The following SHISA9 variants were observed in gnomAD, a reference collection of about 807,000 sequenced individuals.
SHISA9 encodes the protein protein shisa-9.
A neutral mutation model predicts 38.0 loss-of-function variants in SHISA9; 13 were observed. The observed-to-expected ratio is 0.34, with a 90% CI of 0.22 to 0.54. SHISA9 has a LOEUF of 0.54. Among genes scored for constraint, SHISA9 ranks in the 20% least tolerant of loss-of-function variants. The probability of loss-of-function intolerance (pLI) is 0.91; values close to 1 mark genes in which losing one functional copy is unlikely to be tolerated. For synonymous variants in SHISA9, 275 were observed against 242.0 expected, an observed-to-expected ratio of 1.14 and a Z score of -1.27; for missense variants, 538 against 575.8, an observed-to-expected ratio of 0.93 and a Z score of 0.67.
At chr16:13,554,076 A>T in the SHISA9 span, among the ~76,000 whole-genome samples, 1 of 151,112 alleles carries the variant, frequency 6.6e-6, no homozygotes, top group Non-Finnish European at 1.5e-5. Context: ...TAAAAAGTAT[A>T]AAAAAAAATA....
the SHISA9 span, among the ~76,000 whole-genome samples, chr16:13,528,371 G>C: frequency 6.6e-6 from 1 of 151,628 alleles, no homozygotes; most frequent in Non-Finnish European, 1.5e-5. Context: ...AAAGTTCTCA[G>C]TGAAGGAAAG....
chr16:13,180,573 C>T (rs2070900628), intron 2 of SHISA9, among the ~76,000 whole-genome samples: 1 of 152,120 alleles, frequency 6.6e-6, no homozygotes, highest in Non-Finnish European at 1.5e-5. Flanking sequence ...TGGCATGCAC[C>T]TGTCTTCTCA....
At chr16:12,905,594 C>CTT (rs2071081573) in intron 1 of SHISA9, among the ~76,000 whole-genome samples, 3 of 127,494 alleles carry the variant, frequency 2.4e-5, no homozygotes, top group Non-Finnish European at 5.1e-5. Context: ...ATTTTATTTG[C>CTT]ATTTTTTTTT....
the SHISA9 span, among the ~76,000 whole-genome samples, chr16:13,541,518 C>T: frequency 3.9e-5 from 6 of 152,156 alleles, no homozygotes; most frequent in East Asian, 1.9e-4. Context: ...TGTGGTCAGC[C>T]GGAATTTATT....
the SHISA9 span, among the ~76,000 whole-genome samples, chr16:13,440,243 C>T: frequency 6.6e-6 from 1 of 152,190 alleles, no homozygotes; most frequent in Non-Finnish European, 1.5e-5. Flanking sequence ...AAGCCTCTCC[C>T]ATTTGTATAC....
chr16:13,368,076 T>A, the SHISA9 span, among the ~76,000 whole-genome samples: 1 of 152,060 alleles, frequency 6.6e-6, no homozygotes, highest in Non-Finnish European at 1.5e-5. Context: ...CCTCACAGAT[T>A]GGCAATTTCC....
rs569716065 is a variant in SHISA9 at position 13,113,406 on chromosome 16, C to T, written c.692-89988C>T. Among the ~76,000 whole-genome samples, 17 of 152,168 alleles carry T rather than the reference C, an allele frequency of 1.1e-4. No homozygotes were observed. In the East Asian group the frequency reaches 2.1e-3, roughly 19 times the overall value. Reference sequence around the variant, plus strand: ...GTCAGGGTTAGTGTTAGAGAGATCACGTATTCCAGGGAGTGTCCATCCTAC... The same window carrying T: ...GTCAGGGTTAGTGTTAGAGAGATCATGTATTCCAGGGAGTGTCCATCCTAC... On this transcript the variant is annotated intron_variant, in intron 2 of 4. Transcript: ENST00000558583.
chr16:12,944,860 TGA>T (rs1179544863), intron 2 of SHISA9, among the ~76,000 whole-genome samples: 7 of 152,112 alleles, frequency 4.6e-5, no homozygotes, highest in Non-Finnish European at 1.0e-4. Flanking sequence ...ATAATTTATT[TGA>T]GAGTTGATCC....
At chr16:12,930,695 A>G (rs2071450888) in intron 2 of SHISA9, among the ~76,000 whole-genome samples, 1 of 152,138 alleles carries the variant, frequency 6.6e-6, no homozygotes, top group South Asian at 2.1e-4. Flanking sequence ...CTGGTGATGC[A>G]AAGTAACCTT....
chr16:13,167,072 C>CTTTTTTTTTT (rs11372669), intron 2 of SHISA9, among the ~76,000 whole-genome samples: 14 of 124,414 alleles, frequency 1.1e-4, no homozygotes, highest in Non-Finnish European at 2.2e-4. Flanking sequence ...TCTCTTTTTT[C>CTTTTTTTTTT]TTTTTTTTTT....
intron 1 of SHISA9, among the ~76,000 whole-genome samples, chr16:12,916,281 G>C (rs148886101): frequency 6.6e-6 from 1 of 152,234 alleles, no homozygotes; most frequent in Non-Finnish European, 1.5e-5. Context: ...CCTGGCTTAT[G>C]GCAAATACTC....
At chr16:13,151,709 C>A (rs1434210642) in intron 2 of SHISA9, among the ~76,000 whole-genome samples, 2 of 152,260 alleles carry the variant, frequency 1.3e-5, no homozygotes, top group Non-Finnish European at 2.9e-5. Context: ...ATACACTTCT[C>A]TCATTCAGAA....
At chr16:13,537,792 A>T in the SHISA9 span, among the ~76,000 whole-genome samples, 1 of 152,184 alleles carries the variant, frequency 6.6e-6, no homozygotes, top group Non-Finnish European at 1.5e-5. Flanking sequence ...TATGTTTCTG[A>T]TTATTTTGAA....
At chr16:13,396,229 G>A in the SHISA9 span, among the ~76,000 whole-genome samples, 302 of 152,328 alleles carry the variant, frequency 2.0e-3, 2 homozygotes, top group African/African-American at 6.7e-3. Context: ...TCAATCGGCC[G>A]GATGCAATGG....
the SHISA9 span, among the ~76,000 whole-genome samples, chr16:13,489,861 C>G: frequency 6.6e-5 from 10 of 152,284 alleles, no homozygotes. Context: ...TTCCCAAGGT[C>G]ACAGTGCAGG....
intron 2 of SHISA9, among the ~76,000 whole-genome samples, chr16:13,112,113 T>C (rs1284258509): frequency 6.6e-6 from 1 of 151,630 alleles, no homozygotes; most frequent in Non-Finnish European, 1.5e-5. Context: ...AGGGTAAGGA[T>C]TTTTTTTTGT....
At chr16:13,468,300 G>T in the SHISA9 span, among the ~76,000 whole-genome samples, 1 of 152,132 alleles carries the variant, frequency 6.6e-6, no homozygotes, top group Non-Finnish European at 1.5e-5. Context: ...CGGATTATTG[G>T]TGCCCAGGGA....
At chr16:13,262,358 A>C in the SHISA9 span, among the ~76,000 whole-genome samples, 2 of 152,168 alleles carry the variant, frequency 1.3e-5, no homozygotes, top group Non-Finnish European at 2.9e-5. Context: ...CCTGGCATCC[A>C]CAGCTCTCTT....
chr16:13,247,167 G>A, the SHISA9 span, among the ~76,000 whole-genome samples: 2 of 152,030 alleles, frequency 1.3e-5, no homozygotes, highest in Non-Finnish European at 2.9e-5. Flanking sequence ...TGCCACACTT[G>A]TAAACCATCA....
Sources: gnomAD v4.1 joint callset for allele counts (sites outside exome capture counted in the v4.1 genomes callset) on GRCh38, gnomAD v4.1.1 for gene constraint, MANE v1.5 for transcripts, NCBI Gene and HGNC (gene_info 2026-07-23, HGNC 2026-07-21) for gene names.